The following LTBP1 variants were observed in gnomAD, a reference collection of about 807,000 sequenced individuals.
LTBP1 encodes latent transforming growth factor beta binding protein 1.
A neutral mutation model predicts 207.6 loss-of-function variants in LTBP1; 129 were observed. That is an observed-to-expected ratio of 0.62 (90% CI 0.54 to 0.72). The LOEUF (loss-of-function observed/expected upper bound fraction) is 0.72. Ranked by LOEUF, LTBP1 falls within the 30% of genes least tolerant of loss-of-function variation. The pLI is 0.00. For synonymous variants in LTBP1, 963 were observed against 833.7 expected, an observed-to-expected ratio of 1.16 and a Z score of -2.67; for missense variants, 2,281 against 2,217.2, an observed-to-expected ratio of 1.03 and a Z score of -0.58.
At chr2:33,079,324 T>C (rs2078267193) in intron 3 of LTBP1, among the ~76,000 whole-genome samples, 2 of 151,990 alleles carry the variant, frequency 1.3e-5, no homozygotes, top group African/African-American at 4.8e-5. Flanking sequence ...CACAGTGAAA[T>C]GGGAACACAC....
intron 4 of LTBP1, among the ~76,000 whole-genome samples, chr2:33,121,901 TTTG>T (rs1156282411): frequency 6.6e-6 from 1 of 152,132 alleles, no homozygotes; most frequent in Non-Finnish European, 1.5e-5. Context: ...TGGATATAGT[TTTG>T]TTAAGAATGA....
intron 31 of LTBP1, among the ~76,000 whole-genome samples, chr2:33,377,610 C>A (rs2150328986): frequency 6.6e-6 from 1 of 152,266 alleles, no homozygotes; most frequent in South Asian, 2.1e-4. Flanking sequence ...CTATTAAAAT[C>A]TTTCTAGTTT....
At chr2:33,143,254 G>A (rs1328938360) in intron 5 of LTBP1, among the ~76,000 whole-genome samples, 7 of 152,134 alleles carry the variant, frequency 4.6e-5, no homozygotes, top group African/African-American at 1.7e-4. Flanking sequence ...CTTATTTGTT[G>A]ACTTGCCTGT....
chr2:33,269,272 C>T (rs967712925), intron 15 of LTBP1, among the ~76,000 whole-genome samples: 2 of 152,168 alleles, frequency 1.3e-5, no homozygotes, highest in Non-Finnish European at 2.9e-5. Context: ...GGCCTTGTTG[C>T]TGGTATAAAT....
intron 5 of LTBP1, among the ~76,000 whole-genome samples, chr2:33,158,321 A>G (rs1215838392): frequency 6.6e-6 from 1 of 152,200 alleles, no homozygotes; most frequent in Admixed American, 6.5e-5. Flanking sequence ...AAGTAGTTAC[A>G]TAGAAGTAAG....
chr2:33,029,836 A>G (rs2075609107), intron 3 of LTBP1, among the ~76,000 whole-genome samples: 1 of 152,246 alleles, frequency 6.6e-6, no homozygotes, highest in Admixed American at 6.5e-5. Flanking sequence ...ATGAATTCTC[A>G]AGTAAACCAC....
At chr2:33,201,569 G>T (rs2089278715) in intron 7 of LTBP1, among the ~76,000 whole-genome samples, 1 of 151,390 alleles carries the variant, frequency 6.6e-6, no homozygotes, top group South Asian at 2.1e-4. Context: ...CATGGCACAT[G>T]TATACATATG....
At chr2:33,193,004 G>A (rs2088088383) in intron 7 of LTBP1, among the ~76,000 whole-genome samples, 1 of 152,088 alleles carries the variant, frequency 6.6e-6, no homozygotes. Context: ...TCGCTTTCAG[G>A]GGATTAAGTT....
chr2:33,282,924 G>A (rs2093588201), intron 19 of LTBP1, among the ~76,000 whole-genome samples: 1 of 152,076 alleles, frequency 6.6e-6, no homozygotes, highest in Non-Finnish European at 1.5e-5. Context: ...TTAGCTGGGT[G>A]TGGTGGCACG....
intron 10 of LTBP1, among the ~76,000 whole-genome samples, chr2:33,248,066 T>C (rs544832402): frequency 6.6e-6 from 1 of 152,368 alleles, no homozygotes; most frequent in Admixed American, 6.5e-5. Flanking sequence ...CTACCTTCTC[T>C]GTGGCCATCT....
chr2:33,002,814 A>G (rs912824060), intron 2 of LTBP1, among the ~76,000 whole-genome samples: 1 of 152,068 alleles, frequency 6.6e-6, no homozygotes, highest in Non-Finnish European at 1.5e-5. Flanking sequence ...AGTAGCTGGG[A>G]CTACAGGTTC....
At chr2:33,072,918 A>C (rs550663719) in intron 3 of LTBP1, among the ~76,000 whole-genome samples, 90 of 152,306 alleles carry the variant, frequency 5.9e-4, no homozygotes, top group African/African-American at 2.1e-3. Context: ...GGGGGCGAGG[A>C]TATGTACTCC....
rs143166047 is a variant in LTBP1 at position 33,245,103 on chromosome 2, C to G, written c.1999+1319C>G. Among the ~76,000 whole-genome samples the G allele has an allele frequency of 2.8e-3, 429 of 152,280 alleles. 6 individuals carry two copies. Among genetic ancestry groups the G allele is most frequent in the African/African-American group, 9.1e-3 (380 of 41,564 alleles). On this transcript the variant is annotated intron_variant, in intron 10 of 33. Transcript: ENST00000404816. ...CCATATTGGTCAGGCTGGTCTTGAA[C>G]TCATGACCTCAGGTGATCCACCCGC...
intron 20 of LTBP1, among the ~76,000 whole-genome samples, chr2:33,295,404 G>C (rs2093855296): frequency 6.6e-6 from 1 of 152,094 alleles, no homozygotes; most frequent in East Asian, 1.9e-4. Context: ...GCATGCGCAT[G>C]TAATCCCAGC....
intron 33 of LTBP1, among the ~76,000 whole-genome samples, chr2:33,397,524 T>TTTTTG (rs2095369842): frequency 2.7e-5 from 4 of 148,852 alleles, no homozygotes; most frequent in Non-Finnish European, 4.5e-5. Flanking sequence ...TTTTTTTTTT[T>TTTTTG]GAGATGGAGT....
At chr2:33,196,167 A>G (rs1462157901) in intron 7 of LTBP1, among the ~76,000 whole-genome samples, 2 of 152,166 alleles carry the variant, frequency 1.3e-5, no homozygotes, top group Non-Finnish European at 2.9e-5. Context: ...AACTGAACCC[A>G]CAACATATCT....
intron 32 of LTBP1, among the ~76,000 whole-genome samples, chr2:33,391,524 A>G (rs994041070): frequency 7.2e-5 from 11 of 152,168 alleles, no homozygotes; most frequent in African/African-American, 2.7e-4. Flanking sequence ...GGTTAAGTCT[A>G]TATGCAACTC....
At chr2:32,958,660 A>T (rs965176637) in intron 2 of LTBP1, among the ~76,000 whole-genome samples, 2 of 152,200 alleles carry the variant, frequency 1.3e-5, no homozygotes, top group African/African-American at 4.8e-5. Flanking sequence ...CGATGTTGCT[A>T]ATGCTGTCCT....
At chr2:33,056,481 G>C (rs778199706) in intron 3 of LTBP1, 8 of 830,510 alleles carry the variant, frequency 9.6e-6, no homozygotes, top group Non-Finnish European at 1.5e-5. Flanking sequence ...GAGGTGATGA[G>C]GGATGATGCG....
Sources: gnomAD v4.1 joint callset for allele counts (sites outside exome capture counted in the v4.1 genomes callset) on GRCh38, gnomAD v4.1.1 for gene constraint, MANE v1.5 for transcripts, NCBI Gene and HGNC (gene_info 2026-07-23, HGNC 2026-07-21) for gene names.